PDCD6: variants seen among roughly 807,000 people sequenced by gnomAD.
The protein encoded by PDCD6 is programmed cell death protein 6.
PDCD6 carries 12 observed loss-of-function variants against 28.3 expected under a neutral mutation model. That is an observed-to-expected ratio of 0.42 (90% CI 0.27 to 0.69). The LOEUF (loss-of-function observed/expected upper bound fraction) is 0.69. Among genes scored for constraint, PDCD6 ranks in the 30% least tolerant of loss-of-function variants. PDCD6 has a pLI of 0.22. For missense variants in PDCD6, 226 were observed against 269.9 expected (o/e 0.84, Z 1.14); for synonymous variants, 92 against 108.0 (o/e 0.85, Z 0.92).
At chr5:292,961 C>T (rs1739399937) in intron 2 of PDCD6, among the ~76,000 whole-genome samples, 1 of 152,226 alleles carries the variant, frequency 6.6e-6, no homozygotes, top group South Asian at 2.1e-4. Context: ...TTGGCTCCCA[C>T]ACAGCTGGGC....
At chr5:296,798 C>G (rs1262350895) in intron 2 of PDCD6, among the ~76,000 whole-genome samples, 1 of 152,096 alleles carries the variant, frequency 6.6e-6, no homozygotes, top group Non-Finnish European at 1.5e-5. Flanking sequence ...CGAGGCCCCT[C>G]TTTGCTTCTG....
In PDCD6 at chr5:296,626, G is replaced by T. The variant is rs573854484; in HGVS notation, c.164-7551G>T. The stretch of plus-strand genomic sequence containing the variant: ...CGCTGCTAATTAATTGATTTATGTC[G>T]AGCTCAAAGTAGTCCACATCAAAAA... On this transcript the variant is annotated intron_variant, in intron 2 of 5. Transcript: ENST00000264933. Among the ~76,000 whole-genome samples, 558 of 152,260 alleles carry T rather than the reference G, an allele frequency of 3.7e-3. 3 individuals carry two copies. The highest frequency in any genetic ancestry group is 0.014 in the Middle Eastern group (4 of 294).
rs1244037334 is a variant in PDCD6, at chr5:306,628, G to A, written c.235G>A (p.Gly79Ser). Residue 79 changes from glycine (G) to serine (S), a missense_variant, in exon 4 of 6, where the codon GGC (glycine) becomes AGC (serine). Physicochemically the swap from Gly to Ser is moderately conservative, Grantham distance 56. Coordinates refer to ENST00000264933, the MANE Select transcript of PDCD6 (RefSeq NM_013232.4). ...ISMFDRENKA[G>S]VNFSEFTGVW... ...CATGTTTGACCGTGAGAACAAGGCC[G>A]GCGTGAACTTCAGCGAGTTCACGGG... is the stretch of plus-strand genomic sequence containing the variant. The A allele has an allele frequency of 1.2e-6, 2 of 1,613,790 alleles. No homozygotes were observed. Among genetic ancestry groups the A allele is most frequent in the Non-Finnish European group, 1.7e-6 (2 of 1,179,880 alleles).
chr5:277,912 CAAA>C (rs529926870), intron 2 of PDCD6, among the ~76,000 whole-genome samples: 10 of 111,028 alleles, frequency 9.0e-5, no homozygotes, highest in South Asian at 6.1e-4. Context: ...GACTCCATCT[CAAA>C]AAAAAAAAAA....
chr5:291,308 C>A (rs539696280), intron 2 of PDCD6, among the ~76,000 whole-genome samples: 1 of 152,200 alleles, frequency 6.6e-6, no homozygotes. Flanking sequence ...AGTTCTCCTG[C>A]GTGGCTGCTC....
intron 2 of PDCD6, among the ~76,000 whole-genome samples, chr5:282,341 T>C (rs1245549994): frequency 1.3e-4 from 19 of 151,592 alleles, no homozygotes; most frequent in African/African-American, 4.4e-4. Flanking sequence ...GGAGCTGATG[T>C]TCTAGATTGA....
At chr5:274,754 G>A (rs1355215817) in intron 2 of PDCD6, among the ~76,000 whole-genome samples, 1 of 152,186 alleles carries the variant, frequency 6.6e-6, no homozygotes, top group Non-Finnish European at 1.5e-5. Flanking sequence ...GCTCTGACTT[G>A]TGTGTTTGGG....
intron 2 of PDCD6, among the ~76,000 whole-genome samples, chr5:284,275 A>AG (rs980337798): frequency 3.9e-4 from 59 of 149,514 alleles, no homozygotes; most frequent in African/African-American, 1.4e-3. Context: ...TGATGTTCTA[A>AG]GTTGAGGGTC....
intron 5 of PDCD6, chr5:311,768 A>G: frequency 4.4e-6 from 1 of 224,770 alleles, no homozygotes; most frequent in South Asian, 5.7e-5. Flanking sequence ...ATCCCGGCTC[A>G]CTCCCACCTC....
At chr5:302,802 A>G (rs1033518952) in intron 2 of PDCD6, among the ~76,000 whole-genome samples, 1 of 123,812 alleles carries the variant, frequency 8.1e-6, no homozygotes, top group African/African-American at 3.1e-5. Context: ...TGTGTGGGCC[A>G]CAGGTTCAGG....
intron 4 of PDCD6, chr5:309,566 T>A (rs956248689): frequency 1.9e-5 from 4 of 206,796 alleles, no homozygotes; most frequent in African/African-American, 1.1e-4. Flanking sequence ...TAATGACCTC[T>A]GTCCCCGTGC....
At chr5:277,310 T>G (rs1318512017) in intron 2 of PDCD6, among the ~76,000 whole-genome samples, 23 of 143,448 alleles carry the variant, frequency 1.6e-4, no homozygotes, top group Admixed American at 8.3e-4. Context: ...TATTTTTTTT[T>G]TTTTTTTTTT....
At chr5:278,253 T>A (rs1205442206) in intron 2 of PDCD6, among the ~76,000 whole-genome samples, 2 of 152,182 alleles carry the variant, frequency 1.3e-5, no homozygotes, top group East Asian at 1.9e-4. Flanking sequence ...AAATATTTAT[T>A]TAGAACACAC....
chr5:300,512 G>A (rs573384831), intron 2 of PDCD6, among the ~76,000 whole-genome samples: 1 of 152,360 alleles, frequency 6.6e-6, no homozygotes, highest in Admixed American at 6.5e-5. Context: ...AACTCACCTT[G>A]GCAGGGCTTC....
At chr5:309,564 TCTGTCCCCGTGCACCCCAGTGATGGCCG>T in intron 4 of PDCD6, 1 of 230,134 alleles carries the variant, frequency 4.3e-6, no homozygotes, top group Non-Finnish European at 8.6e-6. Flanking sequence ...AGTAATGACC[TCTGTCCCCGTGCACCCCAGTGATGGCCG>T]CCGTCCCCGT....
chr5:289,102 A>G, intron 2 of PDCD6: 2 of 1,174,134 alleles, frequency 1.7e-6, no homozygotes, highest in Non-Finnish European at 2.5e-6. Context: ...TCATCAGATT[A>G]TTTTTCTTGA....
At chr5:273,817 G>A (rs1738003667) in intron 2 of PDCD6, among the ~76,000 whole-genome samples, 1 of 152,110 alleles carries the variant, frequency 6.6e-6, no homozygotes, top group African/African-American at 2.4e-5. Flanking sequence ...ACAGATGCTG[G>A]TGTATTATTT....
intron 2 of PDCD6, chr5:276,128 C>T: frequency 2.3e-5 from 22 of 946,374 alleles, no homozygotes; most frequent in Non-Finnish European, 3.2e-5. Flanking sequence ...ACTTGGGAGG[C>T]TGAGATGGGA....
At chr5:278,906 A>C in intron 2 of PDCD6, among the ~76,000 whole-genome samples, 1 of 151,362 alleles carries the variant, frequency 6.6e-6, no homozygotes, top group East Asian at 2.0e-4. Flanking sequence ...CTAGGGATGC[A>C]AGCTTTCCTG....
Sources: gnomAD v4.1 joint callset for allele counts (sites outside exome capture counted in the v4.1 genomes callset) on GRCh38, gnomAD v4.1.1 for gene constraint, MANE v1.5 for transcripts, NCBI Gene and HGNC (gene_info 2026-07-23, HGNC 2026-07-21) for gene names.